The following ZNF727 variants were observed in gnomAD, a reference collection of about 807,000 sequenced individuals.
The protein encoded by ZNF727 is putative zinc finger protein 727.
In ZNF727, 11 loss-of-function variants were observed where a neutral mutation model predicts 11.5. The observed-to-expected ratio is 0.95, with a 90% CI of 0.60 to 1.58. ZNF727 has a LOEUF of 1.58. Ranked by LOEUF, ZNF727 falls within the 40% of genes most tolerant of loss-of-function variation. The pLI is 0.00. For synonymous variants in ZNF727, 171 were observed against 196.1 expected (o/e 0.87, Z 1.07); for missense variants, 533 against 581.7 (o/e 0.92, Z 0.86).
chr7:64,072,257 C>T lies in ZNF727; in HGVS notation c.226+2648C>T, dbSNP rs186219592. Among the ~76,000 whole-genome samples, 438 of 152,080 alleles carry T rather than the reference C, an allele frequency of 2.9e-3. 1 individual carries two copies. The highest frequency in any genetic ancestry group is 0.014 in the Middle Eastern group (4 of 292). On this transcript the variant is annotated intron_variant, in intron 3 of 3. Coordinates refer to ENST00000456806, the MANE Select transcript of ZNF727 (RefSeq NM_001159522.3). ...GGGTATGCAGTGGAGAGGGGTTATA[C>T]GTGGGTCACATGGCTGCTTCTTGGT...
chr7:64,076,886 G>C (rs1186647059), intron 3 of ZNF727, among the ~76,000 whole-genome samples: 1 of 152,078 alleles, frequency 6.6e-6, no homozygotes, highest in Non-Finnish European at 1.5e-5. Context: ...CTTTGGTAAG[G>C]TCTCAAAAAG....
intron 1 of ZNF727, among the ~76,000 whole-genome samples, chr7:64,054,041 A>G (rs1433233998): frequency 6.6e-6 from 1 of 152,190 alleles, no homozygotes. Context: ...TACCCTAACC[A>G]TGAGCTGCCA....
At chr7:64,074,738 A>T (rs558101679) in intron 3 of ZNF727, among the ~76,000 whole-genome samples, 2 of 152,290 alleles carry the variant, frequency 1.3e-5, no homozygotes, top group Admixed American at 6.5e-5. Context: ...GTAGGAACTA[A>T]GCTTAGAAAT....
chr7:64,081,530 G>A lies in ZNF727; in HGVS notation c.*2981G>A, dbSNP rs898687143. Among the ~76,000 whole-genome samples the A allele has an allele frequency of 6.6e-6, 1 of 152,128 alleles. No homozygotes were observed. Among genetic ancestry groups the A allele is most frequent in the Non-Finnish European group, 1.5e-5 (1 of 68,018 alleles). ...TTGGGGGAAGCTGGAGTATAGGGAAGAAACATGTGAGCTGGTGCAGTCACA... is the reference window on the plus strand; with the variant it reads ...TTGGGGGAAGCTGGAGTATAGGGAAAAAACATGTGAGCTGGTGCAGTCACA... On this transcript the variant is annotated 3_prime_UTR_variant, in exon 4 of 4. Coordinates refer to ENST00000456806, the MANE Select transcript of ZNF727 (RefSeq NM_001159522.3).
intron 1 of ZNF727, 53 bp downstream of exon 1, chr7:64,045,677 G>A (rs1789490496): frequency 5.2e-6 from 8 of 1,552,696 alleles, no homozygotes; most frequent in Non-Finnish European, 7.0e-6. Context: ...GTTTGAATCC[G>A]GTCGGAACTG....
chr7:64,065,773 A>G (rs540377610), intron 1 of ZNF727, among the ~76,000 whole-genome samples: 189 of 152,324 alleles, frequency 1.2e-3, no homozygotes, highest in African/African-American at 4.3e-3. Flanking sequence ...CTGATAGTCA[A>G]GGGGCTCTGA....
Position 64,077,807 on chromosome 7 carries a change from A to G in ZNF727, c.758A>G (p.Asp253Gly), listed in dbSNP as rs749747991. 53 of 1,569,542 alleles carry G rather than the reference A, an allele frequency of 3.4e-5. No individual in the cohort carries two copies. The highest frequency in any genetic ancestry group is 4.3e-5 in the Non-Finnish European group (50 of 1,157,104). The change falls in exon 4 of 4, where the codon GAC becomes GGC. Residue 253 changes from aspartate to glycine, a missense_variant. By Grantham distance (94) the Asp-to-Gly change is moderately conservative. Coordinates refer to ENST00000456806, the MANE Select transcript of ZNF727 (RefSeq NM_001159522.3). Reference sequence around the variant, plus strand: ...AAACACAAGAGAAATCATACTGGAGACAGACCCTACAAATGCGAAGAATGT... The same window carrying G: ...AAACACAAGAGAAATCATACTGGAGGCAGACCCTACAAATGCGAAGAATGT... ...LTKHKRNHTG[D>G]RPYKCEECHK...
chr7:64,077,434 A>G lies in ZNF727; in HGVS notation c.385A>G (p.Ser129Gly). The change falls in exon 4 of 4, where the codon AGT becomes GGT. Residue 129 changes from serine (S) to glycine (G), a missense_variant. Around this residue, in one of 3 missense-constraint regions of ZNF727, gnomAD observed 463 missense variants for 494.5 expected, o/e 0.94. Coordinates refer to ENST00000456806, the MANE Select transcript of ZNF727 (RefSeq NM_001159522.3). Reference protein sequence around the residue: ...RVGNCKGQKSSYNGIHQCLSA... With the variant: ...RVGNCKGQKSGYNGIHQCLSA... The stretch of plus-strand genomic sequence containing the variant: ...GGGTAATTGCAAGGGGCAGAAAAGC[A>G]GTTATAATGGCATTCATCAATGTTT... 6.4e-7 allele frequency: 1 copy of G among 1,552,012 alleles called. No individual in the cohort carries two copies. Among genetic ancestry groups the G allele is most frequent in the African/African-American group, 1.4e-5 (1 of 73,170 alleles).
Position 64,075,373 on chromosome 7 carries a change from AT to A in ZNF727, c.227-1902del, listed in dbSNP as rs200801567. ...AGTGCCTATTTCATCATATTTTCTC[AT>A]CAAAGCTTTTTATAAATGATTATAA... On this transcript the variant is annotated intron_variant, in intron 3 of 3. Transcript: ENST00000456806. 1.1e-3 allele frequency among the ~76,000 whole-genome samples: 165 copies of A among 152,124 alleles called. 1 individual carries two copies. The East Asian group carries it at 0.019, about 17-fold the overall frequency.
intron 3 of ZNF727, among the ~76,000 whole-genome samples, chr7:64,075,013 C>T (rs944192695): frequency 6.6e-6 from 1 of 151,844 alleles, no homozygotes. Flanking sequence ...AGGTTCTGAG[C>T]TAATGTACTC....
intron 1 of ZNF727, among the ~76,000 whole-genome samples, chr7:64,051,407 C>A (rs1789595919): frequency 1.3e-5 from 2 of 152,100 alleles, no homozygotes; most frequent in Non-Finnish European, 2.9e-5. Context: ...CTCAGCTTAC[C>A]ATCTGCCCAC....
chr7:64,057,344 G>A (rs1187987003), intron 1 of ZNF727, among the ~76,000 whole-genome samples: 1 of 152,104 alleles, frequency 6.6e-6, no homozygotes, highest in East Asian at 1.9e-4. Flanking sequence ...AAGAAAATGT[G>A]GTACATATGT....
rs747287769 is a variant in ZNF727, at chr7:64,081,230, G to T, written c.*2681G>T. 6.6e-6 allele frequency among the ~76,000 whole-genome samples: 1 copy of T among 152,058 alleles called. No individual in the cohort carries two copies. The highest frequency in any genetic ancestry group is 1.5e-5 in the Non-Finnish European group (1 of 68,006). Reference sequence around the variant, plus strand: ...TAAAGGTGGTGTTGGCTTGGGGCAGGATACTGGCCAGTAAAGGTTTTGATG... The same window carrying T: ...TAAAGGTGGTGTTGGCTTGGGGCAGTATACTGGCCAGTAAAGGTTTTGATG... On this transcript the variant is annotated 3_prime_UTR_variant, in exon 4 of 4. Coordinates refer to ENST00000456806, the MANE Select transcript of ZNF727 (RefSeq NM_001159522.3).
chr7:64,050,590 T>C (rs936259359), intron 1 of ZNF727, among the ~76,000 whole-genome samples: 1 of 152,190 alleles, frequency 6.6e-6, no homozygotes, highest in African/African-American at 2.4e-5. Flanking sequence ...TGAGATTTTG[T>C]TTTCCAAACA....
rs1184855483 is a variant in ZNF727 at position 64,081,913 on chromosome 7, TTGC to T, written c.*3368_*3370del. Reference sequence around the variant, plus strand: ...CCCCACCTCTTTGCCTGTCTTCTGGTTGCTGCATCTCAGAGACGTGTAGGCCAG... The same window carrying T: ...CCCCACCTCTTTGCCTGTCTTCTGGTTGCATCTCAGAGACGTGTAGGCCAG... On this transcript the variant is annotated 3_prime_UTR_variant, in exon 4 of 4. Transcript: ENST00000456806. Among the ~76,000 whole-genome samples the T allele has an allele frequency of 6.6e-6, 1 of 152,052 alleles. No individual in the cohort carries two copies. The highest frequency in any genetic ancestry group is 6.6e-5 in the Admixed American group (1 of 15,254).
chr7:64,078,548 A>G lies in ZNF727; in HGVS notation c.1499A>G (p.Ter500=). 1 of 1,556,422 alleles carries G rather than the reference A, an allele frequency of 6.4e-7. No individual in the cohort carries two copies. Among genetic ancestry groups the G allele is most frequent in the Non-Finnish European group, 8.7e-7 (1 of 1,150,212 alleles). Residue 500 remains the stop codon, a stop_retained_variant, in exon 4 of 4, where the codon TAA becomes TGA. Coordinates refer to ENST00000456806, the MANE Select transcript of ZNF727 (RefSeq NM_001159522.3). ...TCTCAGACCTTACTAAACATAAGGT[A>G]ATTCATACTGGAGATAAACCTTACA... ...GGSQTLLNIR[*]
chr7:64,052,503 G>T (rs936498897), intron 1 of ZNF727, among the ~76,000 whole-genome samples: 2 of 152,062 alleles, frequency 1.3e-5, no homozygotes, highest in Non-Finnish European at 2.9e-5. Flanking sequence ...TGATGCAGGG[G>T]TGTGGCCCTC....
At position 64,084,414 on chromosome 7, in the gene ZNF727, A is replaced by G. The variant is rs1422120402; in HGVS notation, c.*5865A>G. ...TTTTACACTGAATGTGTATCTTGCC[A>G]CTGATGTTAACTTATCCCATCTTAC... On this transcript the variant is annotated 3_prime_UTR_variant, in exon 4 of 4. Coordinates refer to ENST00000456806, the MANE Select transcript of ZNF727 (RefSeq NM_001159522.3). Among the ~76,000 whole-genome samples the G allele has an allele frequency of 6.6e-6, 1 of 152,202 alleles. No individual in the cohort carries two copies. The highest frequency in any genetic ancestry group is 2.4e-5 in the African/African-American group (1 of 41,464).
chr7:64,075,277 T>C (rs982493794), intron 3 of ZNF727, among the ~76,000 whole-genome samples: 1 of 152,146 alleles, frequency 6.6e-6, no homozygotes, highest in Non-Finnish European at 1.5e-5. Flanking sequence ...GGTCACCTTA[T>C]TGCCTTTACA....
Sources: allele counts gnomAD v4.1 joint callset (sites outside exome capture counted in the v4.1 genomes callset), GRCh38; gene constraint gnomAD v4.1.1; regional missense constraint gnomAD v4.1.1; transcripts MANE v1.5; gene names NCBI Gene and HGNC (gene_info 2026-07-23, HGNC 2026-07-21).